CTNND2: variants seen among roughly 807,000 people sequenced by gnomAD.
CTNND2 encodes the protein catenin delta-2.
Under a neutral mutation model 144.4 loss-of-function variants are expected in CTNND2, and 22 were observed. The ratio of observed to expected loss-of-function variants is 0.15; its 90% confidence interval spans 0.11 to 0.22. The LOEUF is 0.22. CTNND2 is among the 10% of genes least tolerant of loss of function. The probability of loss-of-function intolerance (pLI) is 1.00; values close to 1 mark genes in which losing one functional copy is unlikely to be tolerated. For synonymous variants in CTNND2, 751 were observed against 695.6 expected (o/e 1.08, Z -1.25); for missense variants, 1,353 against 1,618.8 (o/e 0.84, Z 2.82).
rs1399046151 is a variant in CTNND2, at chr5:11,329,855, T to G, written c.1628+16517A>C. Among the ~76,000 whole-genome samples, 3 of 152,126 alleles carry G rather than the reference T, an allele frequency of 2.0e-5. No individual in the cohort carries two copies. The East Asian group carries it at 5.8e-4, about 29-fold the overall frequency. Reference sequence around the variant, plus strand: ...CTTTGGTATCCAGCACCGTGATCTGTTTTTCAATGAGACTCGTCTGGCTAA... The same window carrying G: ...CTTTGGTATCCAGCACCGTGATCTGGTTTTCAATGAGACTCGTCTGGCTAA... On this transcript the variant is annotated intron_variant, in intron 9 of 21. Transcript: ENST00000304623.
chr5:11,837,850 T>C (rs970739138), intron 1 of CTNND2, among the ~76,000 whole-genome samples: 4 of 152,202 alleles, frequency 2.6e-5, no homozygotes, highest in Non-Finnish European at 5.9e-5. Context: ...TAGTTGGTTA[T>C]TGAAACTCTA....
intron 19 of CTNND2, among the ~76,000 whole-genome samples, chr5:10,989,186 G>T (rs1309816663): frequency 1.3e-5 from 2 of 152,240 alleles, no homozygotes; most frequent in African/African-American, 4.8e-5. Flanking sequence ...GGGGCACTGG[G>T]AGAGGTTGGC....
At chr5:11,365,055 G>A (rs1049097605) in intron 7 of CTNND2, among the ~76,000 whole-genome samples, 165 bp from the exon 8 acceptor site, 3 of 152,192 alleles carry the variant, frequency 2.0e-5, no homozygotes, top group South Asian at 2.1e-4. Flanking sequence ...TCAGCCTGTC[G>A]GCATCACCCA....
chr5:11,493,705 TCAA>T, intron 3 of CTNND2, among the ~76,000 whole-genome samples: 1 of 152,350 alleles, frequency 6.6e-6, no homozygotes, highest in South Asian at 2.1e-4. Flanking sequence ...CTGTCAGTAT[TCAA>T]CAATAGTTAA....
intron 5 of CTNND2, among the ~76,000 whole-genome samples, chr5:11,402,763 G>A (rs1187698762): frequency 6.6e-6 from 1 of 152,208 alleles, no homozygotes; most frequent in Non-Finnish European, 1.5e-5. Flanking sequence ...TGACGGGCAG[G>A]TGTGTTTATA....
intron 16 of CTNND2, among the ~76,000 whole-genome samples, chr5:11,061,528 G>T (rs1004454268): frequency 6.6e-6 from 1 of 152,072 alleles, no homozygotes; most frequent in Non-Finnish European, 1.5e-5. Flanking sequence ...TGCACCAGGG[G>T]TTTTGCTCTT....
chr5:10,973,687 C>G lies in CTNND2; in HGVS notation c.3444G>C (p.Glu1148Asp). 3.7e-6 allele frequency: 6 copies of G among 1,609,754 alleles called. No homozygotes were observed. The highest frequency in any genetic ancestry group is 4.2e-6 in the Non-Finnish European group (5 of 1,177,802). Residue 1148 changes from glutamate (E) to aspartate (D), a missense_variant, in exon 22 of 22, where the codon GAG becomes GAC. Glu to Asp is a conservative substitution (Grantham distance 45). Transcript: ENST00000304623. The surrounding 1 kb of genome is among the most constrained non-coding windows in gnomAD (Gnocchi z 5.6). ...NQVSAQPVPQ[E>D]PSRKDYETYQ... ...AGGTCTCGTAATCTTTTCTGCTGGG[C>G]TCCTGTGGGACTGGCTGTGCTGAAA... is the stretch of plus-strand genomic sequence containing the variant.
intron 2 of CTNND2, among the ~76,000 whole-genome samples, chr5:11,625,977 T>C (rs1781130872): frequency 6.6e-6 from 1 of 152,160 alleles, no homozygotes; most frequent in African/African-American, 2.4e-5. Context: ...TATGAATATA[T>C]TCATTTCACT....
At chr5:11,510,385 A>T (rs1294624763) in intron 3 of CTNND2, among the ~76,000 whole-genome samples, 1 of 152,226 alleles carries the variant, frequency 6.6e-6, no homozygotes, top group Non-Finnish European at 1.5e-5. Flanking sequence ...TACTCAGCCT[A>T]AATCTGCATT....
chr5:11,310,986 ACT>A (rs1324181227), intron 9 of CTNND2, among the ~76,000 whole-genome samples: 1 of 134,514 alleles, frequency 7.4e-6, no homozygotes, highest in Non-Finnish European at 1.6e-5. Flanking sequence ...ACACTCTCAC[ACT>A]CTCTCCATGC....
Position 11,021,799 on chromosome 5 carries a change from A to G in CTNND2, c.2999+970T>C, listed in dbSNP as rs543022164. On this transcript the variant is annotated intron_variant, in intron 17 of 21. Transcript: ENST00000304623. ...AATAACAACAAACTATTTAGCATTT[A>G]CATGTAAAAGAATGGGGGGTGGGGG... Among the ~76,000 whole-genome samples, 8 of 152,110 alleles carry G rather than the reference A, an allele frequency of 5.3e-5. No individual in the cohort carries two copies. In the East Asian group the frequency reaches 9.6e-4, roughly 18 times the overall value.
intron 16 of CTNND2, among the ~76,000 whole-genome samples, chr5:11,041,482 C>T (rs1566621): frequency 0.24 from 36,887 of 152,064 alleles, 5,094 homozygotes; most frequent in Admixed American, 0.36. Flanking sequence ...CAGCCTAACC[C>T]TCCTGACTCC....
chr5:11,622,986 G>C (rs1214491043), intron 2 of CTNND2, among the ~76,000 whole-genome samples: 1 of 151,990 alleles, frequency 6.6e-6, no homozygotes, highest in Non-Finnish European at 1.5e-5. Context: ...AACACGACTG[G>C]TTTATTTTTG....
chr5:11,656,772 G>C (rs1335213421), intron 2 of CTNND2, among the ~76,000 whole-genome samples: 2 of 152,102 alleles, frequency 1.3e-5, no homozygotes, highest in Non-Finnish European at 2.9e-5. Context: ...TGATAAAACA[G>C]TCCATCCCAA....
At chr5:11,408,423 G>A (rs940442559) in intron 5 of CTNND2, among the ~76,000 whole-genome samples, 4 of 152,044 alleles carry the variant, frequency 2.6e-5, no homozygotes, top group Non-Finnish European at 5.9e-5. Flanking sequence ...AATATGTTAA[G>A]GGCAAATGGT....
At chr5:11,580,055 G>A (rs1778302863) in intron 2 of CTNND2, among the ~76,000 whole-genome samples, 2 of 152,038 alleles carry the variant, frequency 1.3e-5, no homozygotes, top group Admixed American at 1.3e-4. Context: ...ATTTACTTAA[G>A]CCCAATGAGT....
chr5:11,793,393 A>G lies in CTNND2; in HGVS notation c.38-61121T>C, dbSNP rs886964424. 1.2e-4 allele frequency among the ~76,000 whole-genome samples: 18 copies of G among 152,152 alleles called. 1 individual carries two copies. Among genetic ancestry groups the G allele is most frequent in the Admixed American group, 8.5e-4 (13 of 15,270 alleles). ...CAGGATAAACTGTGTCCCTCCCAAG[A>G]TTCATATGTTGAAGTCCTAACCCCC... is the stretch of plus-strand genomic sequence containing the variant. On this transcript the variant is annotated intron_variant, in intron 1 of 21. Coordinates refer to ENST00000304623, the MANE Select transcript of CTNND2 (RefSeq NM_001332.4).
At chr5:11,285,088 AC>A (rs1278571705) in intron 9 of CTNND2, among the ~76,000 whole-genome samples, 1 of 152,180 alleles carries the variant, frequency 6.6e-6, no homozygotes, top group African/African-American at 2.4e-5. Flanking sequence ...GAGAACTCCC[AC>A]CTTTGATATC....
intron 1 of CTNND2, among the ~76,000 whole-genome samples, chr5:11,857,300 CA>C (rs1339639122): frequency 4.6e-5 from 7 of 151,994 alleles, no homozygotes; most frequent in Non-Finnish European, 8.8e-5. Flanking sequence ...AAAGCTCTGG[CA>C]GGGGGAATGT....
Sources: allele counts gnomAD v4.1 joint callset (sites outside exome capture counted in the v4.1 genomes callset), GRCh38; gene constraint gnomAD v4.1.1; non-coding constraint Gnocchi (gnomAD v3.1); transcripts MANE v1.5; gene names NCBI Gene and HGNC (gene_info 2026-07-23, HGNC 2026-07-21).